The following SKAP2 variants were observed in gnomAD, a reference collection of about 807,000 sequenced individuals.
SKAP2 encodes the protein src kinase-associated phosphoprotein 2.
A neutral mutation model predicts 54.9 loss-of-function variants in SKAP2; 28 were observed. The observed-to-expected ratio is 0.51, with a 90% confidence interval of 0.38 to 0.70. SKAP2 has a LOEUF of 0.70. SKAP2 is among the 30% of genes least tolerant of loss of function. The pLI, the probability that SKAP2 is intolerant of heterozygous loss-of-function variation, is 0.00. For missense variants in SKAP2, 356 were observed against 424.1 expected (o/e 0.84, Z 1.41); for synonymous variants, 137 against 134.3 (o/e 1.02, Z -0.14).
chr7:26,858,082 A>C (rs1785210649), intron 1 of SKAP2: 1 of 152,154 alleles, frequency 6.6e-6, no homozygotes, highest in African/African-American at 2.4e-5. Context: ...CAGGGGCTCA[A>C]CTCACACTCT....
In SKAP2 at chr7:26,751,750, C is replaced by T. The variant is rs144862779; in HGVS notation, c.308-11786G>A. 2.6e-5 allele frequency among the ~76,000 whole-genome samples: 4 copies of T among 152,138 alleles called. No individual in the cohort carries two copies. The East Asian group carries it at 7.7e-4, about 29-fold the overall frequency. On this transcript the variant is annotated intron_variant, in intron 4 of 12. Coordinates refer to ENST00000345317, the MANE Select transcript of SKAP2 (RefSeq NM_003930.5). ...AGATATGAAATTCATACATTCTTAT[C>T]TATTATTATTGTTAATTTAGTAATA...
At chr7:26,658,645 T>G in the SKAP2 span, among the ~76,000 whole-genome samples, 1 of 152,158 alleles carries the variant, frequency 6.6e-6, no homozygotes, top group African/African-American at 2.4e-5. Context: ...TTTGTTTGGC[T>G]TCTACAGAGG....
chr7:26,846,912 G>T (rs1784933875), intron 3 of SKAP2, among the ~76,000 whole-genome samples: 1 of 152,162 alleles, frequency 6.6e-6, no homozygotes, highest in Non-Finnish European at 1.5e-5. Flanking sequence ...AACCTGGGAG[G>T]CGGTGAGCCA....
At chr7:26,798,613 G>A (rs563288759) in intron 4 of SKAP2, among the ~76,000 whole-genome samples, 7 of 152,116 alleles carry the variant, frequency 4.6e-5, no homozygotes, top group African/African-American at 1.7e-4. Context: ...GAAAAACACA[G>A]AATAGTATCA....
chr7:26,725,408 A>C lies in SKAP2; in HGVS notation c.796+20T>G. 6.3e-7 allele frequency: 1 copy of C among 1,594,086 alleles called. No individual in the cohort carries two copies. Among genetic ancestry groups the C allele is most frequent in the Non-Finnish European group, 8.6e-7 (1 of 1,165,784 alleles). On this transcript the variant is annotated intron_variant, in intron 9 of 12. Transcript: ENST00000345317. ...CACACAGCCCTAAAATCTTTAAATGAATCACCAGAAAGTAAATACCTGGAA... is the reference window on the plus strand; with the variant it reads ...CACACAGCCCTAAAATCTTTAAATGCATCACCAGAAAGTAAATACCTGGAA...
intron 4 of SKAP2, among the ~76,000 whole-genome samples, chr7:26,834,277 A>G (rs1784660997): frequency 6.6e-6 from 1 of 152,216 alleles, no homozygotes; most frequent in Admixed American, 6.5e-5. Context: ...CATCACATCT[A>G]AAAGAACTAG....
At chr7:26,727,360 G>A (rs1584354582) in intron 6 of SKAP2, among the ~76,000 whole-genome samples, 1 of 152,164 alleles carries the variant, frequency 6.6e-6, no homozygotes, top group South Asian at 2.1e-4. Context: ...GGGAAGATCT[G>A]TCCAGCTGAA....
chr7:26,747,315 C>T (rs1782578507), intron 4 of SKAP2, among the ~76,000 whole-genome samples: 1 of 152,082 alleles, frequency 6.6e-6, no homozygotes. Flanking sequence ...TAAAGATGGT[C>T]AACTTTCAAT....
chr7:26,829,469 G>A (rs957359851), intron 4 of SKAP2, among the ~76,000 whole-genome samples: 2 of 152,150 alleles, frequency 1.3e-5, no homozygotes, highest in African/African-American at 2.4e-5. Flanking sequence ...GTTGAGCCCA[G>A]GAGGTAGAGG....
intron 4 of SKAP2, among the ~76,000 whole-genome samples, chr7:26,793,468 C>T (rs554945950): frequency 6.6e-6 from 1 of 152,286 alleles, no homozygotes; most frequent in East Asian, 1.9e-4. Context: ...GATTAAACCA[C>T]ACCAAATTCT....
intron 4 of SKAP2, among the ~76,000 whole-genome samples, chr7:26,843,117 A>G (rs1784851958): frequency 6.6e-6 from 1 of 152,074 alleles, no homozygotes; most frequent in Non-Finnish European, 1.5e-5. Flanking sequence ...TATGTTTCCA[A>G]AGGGAATAAT....
chr7:26,786,681 G>A (rs17154533), intron 4 of SKAP2, among the ~76,000 whole-genome samples: 3,129 of 152,252 alleles, frequency 0.021, 98 homozygotes, highest in African/African-American at 0.072. Context: ...TAATAAACAC[G>A]TGCCCTAGCA....
downstream of SKAP2, among the ~76,000 whole-genome samples, chr7:26,665,375 T>A (rs1186306550): frequency 6.6e-6 from 1 of 151,890 alleles, no homozygotes; most frequent in African/African-American, 2.4e-5. Flanking sequence ...TCAATTCTGT[T>A]ATAACAATAA....
chr7:26,705,661 A>C (rs938401117), intron 9 of SKAP2, among the ~76,000 whole-genome samples: 3 of 152,208 alleles, frequency 2.0e-5, no homozygotes, highest in Non-Finnish European at 1.5e-5. Flanking sequence ...CAACTAGAAA[A>C]ATTATCTCAG....
At position 26,678,655 on chromosome 7, in the gene SKAP2, G is replaced by A. The variant is rs376650403; in HGVS notation, c.987+6081C>T. On this transcript the variant is annotated intron_variant, in intron 11 of 12. Coordinates refer to ENST00000345317, the MANE Select transcript of SKAP2 (RefSeq NM_003930.5). ...GGGGTTTCACCATGTTGGCCAGGTTGGTCTCGAACTCCTGACTTCAAGTGA... is the reference window on the plus strand; with the variant it reads ...GGGGTTTCACCATGTTGGCCAGGTTAGTCTCGAACTCCTGACTTCAAGTGA... Among the ~76,000 whole-genome samples, 3 of 152,086 alleles carry A rather than the reference G, an allele frequency of 2.0e-5. No individual in the cohort carries two copies. In the East Asian group the frequency reaches 5.8e-4, roughly 29 times the overall value.
intron 4 of SKAP2, among the ~76,000 whole-genome samples, chr7:26,803,670 T>C (rs1380270505): frequency 6.6e-6 from 1 of 152,218 alleles, no homozygotes; most frequent in Non-Finnish European, 1.5e-5. Flanking sequence ...TCTGCACTCC[T>C]ACGTTTGTTG....
chr7:26,707,690 C>T (rs916458560), intron 9 of SKAP2, among the ~76,000 whole-genome samples: 2 of 152,116 alleles, frequency 1.3e-5, no homozygotes, highest in Non-Finnish European at 1.5e-5. Context: ...ACACAGGAGA[C>T]AAGGCTTTGG....
intron 10 of SKAP2, among the ~76,000 whole-genome samples, chr7:26,687,282 T>C (rs1366169767): frequency 6.6e-6 from 1 of 151,478 alleles, no homozygotes; most frequent in Non-Finnish European, 1.5e-5. Context: ...GAGCATTTCA[T>C]TAAATCTCAC....
chr7:26,675,399 A>G (rs1786329332), intron 11 of SKAP2, among the ~76,000 whole-genome samples: 1 of 152,170 alleles, frequency 6.6e-6, no homozygotes, highest in Non-Finnish European at 1.5e-5. Flanking sequence ...TTTTCTCTGA[A>G]TTAGCTAATC....
Sources: allele counts gnomAD v4.1 joint callset (sites outside exome capture counted in the v4.1 genomes callset), GRCh38; gene constraint gnomAD v4.1.1; transcripts MANE v1.5; gene names NCBI Gene and HGNC (gene_info 2026-07-23, HGNC 2026-07-21).